The following PDGFRA variants were observed in gnomAD, a reference collection of about 807,000 sequenced individuals.
PDGFRA encodes the protein platelet derived growth factor receptor alpha.
PDGFRA carries 25 observed loss-of-function variants against 121.5 expected under a neutral mutation model. The ratio of observed to expected loss-of-function variants is 0.21; its 90% CI spans 0.15 to 0.29. The LOEUF (loss-of-function observed/expected upper bound fraction) is 0.29, where lower values mean the gene tolerates loss of function less well. Among genes scored for constraint, PDGFRA ranks in the 10% least tolerant of loss-of-function variants. The pLI is 1.00. For missense variants in PDGFRA, 1,008 were observed against 1,345.1 expected (o/e 0.75, Z 3.92); for synonymous variants, 463 against 494.8 (o/e 0.94, Z 0.85).
intron 1 of PDGFRA, 57 bp from the exon 2 acceptor site, chr4:54,258,700 G>C (rs1722510562): frequency 2.0e-6 from 2 of 1,006,974 alleles, no homozygotes; most frequent in East Asian, 2.4e-5. Context: ...AGAGAACTAG[G>C]CTCCAGGGTT....
In PDGFRA at chr4:54,278,493, C is replaced by G. The variant is rs779902846; in HGVS notation, c.2134C>G (p.Pro712Ala). The G allele has an allele frequency of 1.2e-6, 2 of 1,613,894 alleles. No homozygotes were observed. Among genetic ancestry groups the G allele is most frequent in the African/African-American group, 2.7e-5 (2 of 74,878 alleles). Residue 712 changes from proline to alanine, a missense_variant, in exon 15 of 23, where the codon CCT becomes GCT. Pro to Ala is a conservative substitution (Grantham distance 27). Around this residue, in one of 5 missense-constraint regions of PDGFRA, gnomAD observed 128 missense variants for 147.6 expected, o/e 0.87. Transcript: ENST00000257290. ...AGAGCTGGATATCTTTGGATTGAAC[C>G]CTGCTGATGAAAGCACACGGAGGTG... is the stretch of plus-strand genomic sequence containing the variant. ...KKELDIFGLN[P>A]ADESTRSYVI...
chr4:54,287,017 T>C (rs1724395054), intron 18 of PDGFRA, among the ~76,000 whole-genome samples: 3 of 152,142 alleles, frequency 2.0e-5, no homozygotes. Flanking sequence ...CCTGCATCCA[T>C]GCTGTGTGTG....
intron 22 of PDGFRA, among the ~76,000 whole-genome samples, chr4:54,290,912 A>T (rs1175587944): frequency 6.6e-6 from 1 of 152,178 alleles, no homozygotes; most frequent in Admixed American, 6.6e-5. Context: ...GAACTGGGGA[A>T]AAAGTGAAGA....
At chr4:54,290,644 C>T (rs1189408184) in intron 22 of PDGFRA, 90 bp downstream of exon 22, 30 of 1,445,428 alleles carry the variant, frequency 2.1e-5, no homozygotes, top group Non-Finnish European at 2.5e-5. Flanking sequence ...ATGGTGCACT[C>T]CCGGTTGGTA....
In PDGFRA at chr4:54,288,890, C is replaced by T. The variant is rs1352933404; in HGVS notation, c.2766C>T (p.Thr922=). The T allele has an allele frequency of 6.2e-7, 1 of 1,604,242 alleles. No individual in the cohort carries two copies. The highest frequency in any genetic ancestry group is 1.1e-5 in the South Asian group (1 of 90,912). Reference sequence around the variant, plus strand: ...GGATGGCCAAGCCTGACCACGCTACCAGTGAAGTGTGAGCTCCTTCCCCAT... The same window carrying T: ...GGATGGCCAAGCCTGACCACGCTACTAGTGAAGTGTGAGCTCCTTCCCCAT... The part of the protein sequence containing the change: ...GYRMAKPDHA[T]SEVYEIMVKC... The change falls in exon 20 of 23, where the codon ACC becomes ACT. Residue 922 remains threonine, a synonymous_variant. Transcript: ENST00000257290.
chr4:54,255,034 C>A (rs1462638424), intron 1 of PDGFRA, among the ~76,000 whole-genome samples: 2 of 152,110 alleles, frequency 1.3e-5, no homozygotes, highest in Non-Finnish European at 2.9e-5. Flanking sequence ...TTGAGAGAGA[C>A]CATATGGTGA....
chr4:54,274,557 G>T lies in PDGFRA; in HGVS notation c.1585G>T (p.Ala529Ser), dbSNP rs1723601719. Residue 529 changes from alanine (A) to serine (S), a missense_variant, in exon 11 of 23, where the codon GCT (alanine) becomes TCT (serine). Ala to Ser is a moderately conservative substitution (Grantham distance 99). Around this residue, in one of 5 missense-constraint regions of PDGFRA, gnomAD observed 575 missense variants for 701.8 expected, o/e 0.82. Transcript: ENST00000257290. ...CCTGCGTTCTGAACTCACGGTGGCTGCTGCAGTCCTGGTGCTGTTGGTGAT... is the reference window on the plus strand; with the variant it reads ...CCTGCGTTCTGAACTCACGGTGGCTTCTGCAGTCCTGGTGCTGTTGGTGAT... ...PTLRSELTVA[A>S]AVLVLLVIVI... The T allele has an allele frequency of 4.3e-6, 7 of 1,613,896 alleles. No individual in the cohort carries two copies. The highest frequency in any genetic ancestry group is 5.9e-6 in the Non-Finnish European group (7 of 1,179,864).
At chr4:54,246,077 G>C (rs1420858142) in intron 1 of PDGFRA, among the ~76,000 whole-genome samples, 1 of 152,168 alleles carries the variant, frequency 6.6e-6, no homozygotes, top group Non-Finnish European at 1.5e-5. Flanking sequence ...CAAGTCCTGA[G>C]TGACCTACAA....
chr4:54,258,875 T>G, intron 2 of PDGFRA, 58 bp downstream of exon 2: 1 of 1,375,212 alleles, frequency 7.3e-7, no homozygotes, highest in Non-Finnish European at 1.0e-6. Context: ...TTTTAAGCTT[T>G]GTGCTGCATG....
Position 54,258,096 on chromosome 4 carries a change from A to T in PDGFRA, c.-12-661A>T, listed in dbSNP as rs116414433. On this transcript the variant is annotated intron_variant, in intron 1 of 22. Coordinates refer to ENST00000257290, the MANE Select transcript of PDGFRA (RefSeq NM_006206.6). ...CCTGCACAGGAATTTAGTCACACTT[A>T]TCTCTCCCACTTTCTCTCCCTTCTT... Among the ~76,000 whole-genome samples the T allele has an allele frequency of 7.5e-3, 1,147 of 152,188 alleles. 16 individuals carry two copies. Among genetic ancestry groups the T allele is most frequent in the African/African-American group, 0.026 (1,084 of 41,530 alleles).
intron 1 of PDGFRA, among the ~76,000 whole-genome samples, chr4:54,230,103 A>T (rs7668190): frequency 0.38 from 57,328 of 151,644 alleles, 12,451 homozygotes; most frequent in African/African-American, 0.61. Flanking sequence ...CTGCTCTGGG[A>T]GAGAGTCGGG....
At chr4:54,231,047 C>T (rs1457037864) in intron 1 of PDGFRA, among the ~76,000 whole-genome samples, 1 of 152,214 alleles carries the variant, frequency 6.6e-6, no homozygotes, top group Non-Finnish European at 1.5e-5. Context: ...GGCCTGGCCT[C>T]GCGTCTTGGT....
chr4:54,287,125 T>C (rs1340257871), intron 18 of PDGFRA, among the ~76,000 whole-genome samples: 2 of 152,236 alleles, frequency 1.3e-5, no homozygotes, highest in Non-Finnish European at 2.9e-5. Flanking sequence ...AATAGGAAAC[T>C]GGTCCATTCA....
At chr4:54,248,254 C>T (rs1721815077) in intron 1 of PDGFRA, among the ~76,000 whole-genome samples, 1 of 152,196 alleles carries the variant, frequency 6.6e-6, no homozygotes, top group Admixed American at 6.5e-5. Context: ...GCCCGCATCG[C>T]CAAGTCAGTC....
chr4:54,251,876 T>C (rs1722069548), intron 1 of PDGFRA, among the ~76,000 whole-genome samples: 1 of 152,246 alleles, frequency 6.6e-6, no homozygotes, highest in East Asian at 1.9e-4. Flanking sequence ...CAAGAGCCTA[T>C]GTGGCAAATA....
chr4:54,243,616 T>A (rs1341925187), intron 1 of PDGFRA: 3 of 152,382 alleles, frequency 2.0e-5, no homozygotes, highest in African/African-American at 7.2e-5. Context: ...AGCTCCGGTC[T>A]ACAGCTCCCA....
At chr4:54,294,994 G>T in intron 22 of PDGFRA, 131 bp from the exon 23 acceptor site, 1 of 894,056 alleles carries the variant, frequency 1.1e-6, no homozygotes, top group East Asian at 2.5e-5. Flanking sequence ...GTCAGGCCTG[G>T]GGGCAGAATC....
At chr4:54,294,646 G>C (rs1724790499) in intron 22 of PDGFRA, among the ~76,000 whole-genome samples, 1 of 151,976 alleles carries the variant, frequency 6.6e-6, no homozygotes, top group Non-Finnish European at 1.5e-5. Context: ...TTGGTGGGGG[G>C]GCATTTGATG....
At chr4:54,289,223 T>C in intron 21 of PDGFRA, 109 bp downstream of exon 21, 2 of 738,104 alleles carry the variant, frequency 2.7e-6, no homozygotes, top group Non-Finnish European at 4.9e-6. Context: ...GGCAAAAGAC[T>C]GTGTGATCCA....
Sources: gnomAD v4.1 joint callset for allele counts (sites outside exome capture counted in the v4.1 genomes callset) on GRCh38, gnomAD v4.1.1 for gene constraint, gnomAD v4.1.1 regional missense constraint, MANE v1.5 for transcripts, NCBI Gene and HGNC (gene_info 2026-07-23, HGNC 2026-07-21) for gene names.